Variants in CUZD1 observed in about 807,000 individuals in gnomAD.
CUZD1 encodes CUB and zona pellucida like domains 1.
In CUZD1, 42 loss-of-function variants were observed where a neutral mutation model predicts 53.1. That is an observed-to-expected ratio of 0.79 (90% CI 0.62 to 1.02). The LOEUF (loss-of-function observed/expected upper bound fraction) is 1.02. Ranked by LOEUF, CUZD1 falls within the 50% of genes least tolerant of loss-of-function variation. The pLI is 0.00. For missense variants in CUZD1, 670 were observed against 715.7 expected, an observed-to-expected ratio of 0.94 and a Z score of 0.73; for synonymous variants, 238 against 257.2, an observed-to-expected ratio of 0.93 and a Z score of 0.71.
intron 6 of CUZD1, 69 bp downstream of exon 6, chr10:122,836,109 T>G: frequency 1.4e-6 from 2 of 1,411,988 alleles, no homozygotes; most frequent in Non-Finnish European, 1.9e-6. Context: ...TAGCAAGCAT[T>G]ACCCTGACTG....
intron 7 of CUZD1, among the ~76,000 whole-genome samples, chr10:122,834,404 G>A (rs1379254046): frequency 6.6e-6 from 1 of 151,954 alleles, no homozygotes; most frequent in Non-Finnish European, 1.5e-5. Context: ...TAACCAAAAC[G>A]TACAAAAACC....
intron 6 of CUZD1, among the ~76,000 whole-genome samples, chr10:122,835,725 C>G (rs986981917): frequency 3.9e-5 from 6 of 152,012 alleles, no homozygotes; most frequent in Non-Finnish European, 8.8e-5. Context: ...AAATGGAGAA[C>G]AAATCACAAA....
intron 2 of CUZD1, among the ~76,000 whole-genome samples, chr10:122,840,219 T>C (rs1440519141): frequency 6.6e-6 from 1 of 152,200 alleles, no homozygotes; most frequent in African/African-American, 2.4e-5. Context: ...AGGGCTATGG[T>C]TCTCAAAAGT....
At chr10:122,834,201 A>G (rs1847207450) in intron 7 of CUZD1, among the ~76,000 whole-genome samples, 1 of 152,206 alleles carries the variant, frequency 6.6e-6, no homozygotes, top group Non-Finnish European at 1.5e-5. Context: ...TTCTTTCCTT[A>G]CGTGCTTATC....
intron 1 of CUZD1, among the ~76,000 whole-genome samples, chr10:122,842,576 T>C (rs1736431562): frequency 6.6e-6 from 1 of 152,228 alleles, no homozygotes. Flanking sequence ...TTGCAAAATT[T>C]TTTTGGCTAT....
chr10:122,836,016 A>C (rs1197124121), intron 6 of CUZD1, among the ~76,000 whole-genome samples, 162 bp downstream of exon 6: 2 of 152,164 alleles, frequency 1.3e-5, no homozygotes, highest in African/African-American at 4.8e-5. Flanking sequence ...GCTATGTATG[A>C]ATGGGTATGT....
intron 1 of CUZD1, among the ~76,000 whole-genome samples, chr10:122,843,537 T>A (rs1847378009): frequency 6.6e-6 from 1 of 152,206 alleles, no homozygotes; most frequent in African/African-American, 2.4e-5. Flanking sequence ...TTCAAATGTT[T>A]TCAATTCATG....
At chr10:122,842,677 GA>G (rs1847363512) in intron 1 of CUZD1, among the ~76,000 whole-genome samples, 1 of 152,010 alleles carries the variant, frequency 6.6e-6, no homozygotes, top group South Asian at 2.1e-4. Context: ...GAATTGCACT[GA>G]ATTTATAGAT....
chr10:122,833,551 C>T lies in CUZD1; in HGVS notation c.1651+121G>A, dbSNP rs533435707. 6 of 1,069,988 alleles carry T rather than the reference C, an allele frequency of 5.6e-6. No individual in the cohort carries two copies. In the East Asian group the frequency reaches 7.1e-5, roughly 13 times the overall value. The allele number at this position is 1,069,988 out of a possible 1,614,324, so 66.3% of individuals were successfully genotyped here. On this transcript the variant is annotated intron_variant, in intron 8 of 8. Transcript: ENST00000392790. Reference sequence around the variant, plus strand: ...CTAATCCTATATACTTAAAATTCAACTTATTTGCTAAAGCTACTATTATAA... The same window carrying T: ...CTAATCCTATATACTTAAAATTCAATTTATTTGCTAAAGCTACTATTATAA...
At position 122,836,905 on chromosome 10, in the gene CUZD1, G is replaced by A. The variant is rs943994852; in HGVS notation, c.743C>T (p.Ser248Phe). ...CCGGTAAGAATTGGCATAATCTGTA[G>A]ACAACACGACAGTCAGAGAGTTTGA... ...SSSNSLTVVL[S>F]TDYANSYRGF... Residue 248 changes from serine (S) to phenylalanine (F), a missense_variant, in exon 5 of 9, where the codon TCT becomes TTT. By Grantham distance (155) the Ser-to-Phe change is radical. Transcript: ENST00000392790. The A allele has an allele frequency of 1.2e-6, 2 of 1,614,140 alleles. No homozygotes were observed. The highest frequency in any genetic ancestry group is 1.7e-6 in the Non-Finnish European group (2 of 1,179,984).
chr10:122,841,316 C>A lies in CUZD1; in HGVS notation c.95G>T (p.Cys32Phe), dbSNP rs781648542. 6.2e-7 allele frequency: 1 copy of A among 1,605,644 alleles called. No homozygotes were observed. The highest frequency in any genetic ancestry group is 8.5e-7 in the Non-Finnish European group (1 of 1,176,456). The change falls in exon 2 of 9, where the codon TGC becomes TTC. Residue 32 changes from cysteine (C) to phenylalanine (F), a missense_variant. Cys to Phe is a radical substitution (Grantham distance 205, BLOSUM62 -2). Coordinates refer to ENST00000392790, the MANE Select transcript of CUZD1 (RefSeq NM_022034.6). Reference protein sequence around the residue: ...TMAEAEGNASCTVSLGGANMA... With the variant: ...TMAEAEGNASFTVSLGGANMA... The stretch of plus-strand genomic sequence containing the variant: ...ATTGGCACCCCCTAGACTGACTGTG[C>A]AGCTTGCATTGCCTGTTAGAGATCA...
At chr10:122,836,080 G>T in intron 6 of CUZD1, 98 bp downstream of exon 6, 1 of 1,125,068 alleles carries the variant, frequency 8.9e-7, no homozygotes, top group Non-Finnish European at 1.2e-6. Context: ...AAAATTTGGG[G>T]GTCGTTTGTT....
In CUZD1 at chr10:122,839,020, T is replaced by A. The variant is rs140178574; in HGVS notation, c.445A>T (p.Ile149Phe). The A allele has an allele frequency of 3.1e-6, 5 of 1,612,062 alleles. No individual in the cohort carries two copies. Among genetic ancestry groups the A allele is most frequent in the Non-Finnish European group, 4.2e-6 (5 of 1,178,192 alleles). The stretch of plus-strand genomic sequence containing the variant: ...GGTTGTGTAAATGAGGACTTACAGA[T>A]GTTAGGAGAGAAGAAGTAGTAGAAG... ...FVFYYFFSPN[I>F]SIPNCGGYLD... The change falls in exon 3 of 9, where the codon ATC (isoleucine) becomes TTC (phenylalanine). Residue 149 changes from isoleucine (I) to phenylalanine (F), a missense_variant. Ile to Phe is a conservative substitution (Grantham distance 21). Transcript: ENST00000392790.
chr10:122,836,995 G>A lies in CUZD1; in HGVS notation c.653C>T (p.Pro218Leu). 6 of 1,613,994 alleles carry A rather than the reference G, an allele frequency of 3.7e-6. No homozygotes were observed. Among genetic ancestry groups the A allele is most frequent in the Non-Finnish European group, 5.1e-6 (6 of 1,179,934 alleles). The change falls in exon 5 of 9, where the codon CCC becomes CTC. Residue 218 changes from proline to leucine, a missense_variant. By Grantham distance (98) the Pro-to-Leu change is moderately conservative (BLOSUM62 -3). Transcript: ENST00000392790. ...TCCAATCAGGCCAGAGTTGGTGGAG[G>A]GGCCATCATAGATGGCAAGAAAATC... ...KFDFLAIYDG[P>L]STNSGLIGQV...
At chr10:122,844,680 C>T (rs974706333) in intron 1 of CUZD1, among the ~76,000 whole-genome samples, 2 of 151,912 alleles carry the variant, frequency 1.3e-5, no homozygotes, top group African/African-American at 4.8e-5. Context: ...CCAGCCTGGG[C>T]AACATAGTGA....
At chr10:122,845,496 G>T (rs2133820203) in intron 1 of CUZD1, among the ~76,000 whole-genome samples, 1 of 152,096 alleles carries the variant, frequency 6.6e-6, no homozygotes, top group South Asian at 2.1e-4. Flanking sequence ...ATATATCTTT[G>T]GACACTTTTA....
chr10:122,836,779 T>C, intron 5 of CUZD1, 52 bp downstream of exon 5: 1 of 1,404,188 alleles, frequency 7.1e-7, no homozygotes, highest in Non-Finnish European at 1.0e-6. Context: ...AATTTCTACA[T>C]ATGCAATCTT....
At chr10:122,834,474 G>A (rs1847212825) in intron 7 of CUZD1, among the ~76,000 whole-genome samples, 1 of 152,058 alleles carries the variant, frequency 6.6e-6, no homozygotes, top group Admixed American at 6.6e-5. Context: ...CAAATATTTT[G>A]TGAATACACT....
chr10:122,834,637 A>G (rs11248321), intron 7 of CUZD1, 69 bp downstream of exon 7: 700,777 of 1,330,384 alleles, frequency 0.53, 188,584 homozygotes, highest in Non-Finnish European at 0.55. Flanking sequence ...AACACAAAAA[A>G]TTACTTTATT....
Sources: allele counts gnomAD v4.1 joint callset (sites outside exome capture counted in the v4.1 genomes callset), GRCh38; gene constraint gnomAD v4.1.1; transcripts MANE v1.5; gene names NCBI Gene and HGNC (gene_info 2026-07-23, HGNC 2026-07-21).